The following PEPD variants were observed in gnomAD, a reference collection of about 807,000 sequenced individuals.
PEPD encodes xaa-Pro dipeptidase.
A neutral mutation model predicts 60.7 loss-of-function variants in PEPD; 53 were observed. The ratio of observed to expected loss-of-function variants is 0.87; its 90% confidence interval spans 0.70 to 1.10. The LOEUF is 1.10. Among genes scored for constraint, PEPD ranks in the 50% least tolerant of loss-of-function variants. PEPD has a pLI of 0.00. For missense variants in PEPD, 711 were observed against 711.9 expected (o/e 1.00, Z 0.01); for synonymous variants, 267 against 284.1 (o/e 0.94, Z 0.60).
At chr19:33,482,179 A>T (rs35110408) in intron 6 of PEPD, among the ~76,000 whole-genome samples, 18,980 of 152,228 alleles carry the variant, frequency 0.12, 1,613 homozygotes, top group Non-Finnish European at 0.19. Context: ...AGAGACAAAA[A>T]TTTTTCAACA....
chr19:33,490,844 G>T (rs959851270), intron 5 of PEPD, among the ~76,000 whole-genome samples: 3 of 151,884 alleles, frequency 2.0e-5, no homozygotes, highest in African/African-American at 7.3e-5. Flanking sequence ...TATATTTTTA[G>T]TAGAGACATG....
chr19:33,512,633 G>A lies in PEPD; in HGVS notation c.161C>T (p.Thr54Ile), dbSNP rs1970949161. The A allele has an allele frequency of 3.1e-6, 5 of 1,613,974 alleles. No homozygotes were observed. In the East Asian group the frequency reaches 1.1e-4, roughly 36 times the overall value. Reference sequence around the variant, plus strand: ...CCCGGTGTCGGTGCAGTAGCGCTGAGTCTCCTCCCCGCCCTGCAGGACCAC... The same window carrying A: ...CCCGGTGTCGGTGCAGTAGCGCTGAATCTCCTCCCCGCCCTGCAGGACCAC... ...SIVVLQGGEE[T>I]QRYCTDTGVL... is the part of the protein sequence containing the mutation. The change falls in exon 2 of 15, where the codon ACT (threonine) becomes ATT (isoleucine). Residue 54 changes from threonine (T) to isoleucine (I), a missense_variant. By Grantham distance (89) the Thr-to-Ile change is moderately conservative. Coordinates refer to ENST00000244137, the MANE Select transcript of PEPD (RefSeq NM_000285.4).
rs561048939 is a variant in PEPD at position 33,480,233 on chromosome 19, A to G, written c.504-2143T>C. On this transcript the variant is annotated intron_variant, in intron 6 of 14. Coordinates refer to ENST00000244137, the MANE Select transcript of PEPD (RefSeq NM_000285.4). ...GATATGCTACACAAACAGAAACGAA[A>G]GTGGAACTAGAATGGCTATACTAAC... is the stretch of plus-strand genomic sequence containing the variant. Among the ~76,000 whole-genome samples the G allele has an allele frequency of 5.9e-5, 9 of 152,340 alleles. No individual in the cohort carries two copies. In the South Asian group the frequency reaches 1.9e-3, roughly 32 times the overall value.
intron 2 of PEPD, 34 bp from the exon 3 acceptor site, chr19:33,511,189 G>A (rs554787049): frequency 2.5e-6 from 4 of 1,612,790 alleles, no homozygotes; most frequent in Non-Finnish European, 3.4e-6. Flanking sequence ...GTTAGCCAGT[G>A]GAACATGAGG....
rs1386334654 is a variant in PEPD, at chr19:33,388,115, A to G, written c.1153-34T>C. ...AACAGAGGTGAGGGGCCTGATGAGCAGCTCCAGGGCTCACCGTGGCCTCAT... is the reference window on the plus strand; with the variant it reads ...AACAGAGGTGAGGGGCCTGATGAGCGGCTCCAGGGCTCACCGTGGCCTCAT... On this transcript the variant is annotated intron_variant, in intron 13 of 14. Transcript: ENST00000244137. 6 of 1,520,822 alleles carry G rather than the reference A, an allele frequency of 3.9e-6. No individual in the cohort carries two copies. In the Admixed American group the frequency reaches 5.9e-5, roughly 15 times the overall value. 94.2% of individuals were successfully genotyped at this position (1,520,822 alleles called of 1,614,324 possible).
chr19:33,399,933 G>C (rs565722662), intron 12 of PEPD, among the ~76,000 whole-genome samples: 1 of 152,076 alleles, frequency 6.6e-6, no homozygotes, highest in Non-Finnish European at 1.5e-5. Context: ...TCTATCCTTC[G>C]CCTGTTTGGG....
At chr19:33,392,970 C>T (rs559847346) in intron 12 of PEPD, among the ~76,000 whole-genome samples, 6 of 152,140 alleles carry the variant, frequency 3.9e-5, no homozygotes, top group Admixed American at 3.3e-4. Context: ...TGGGGGTGCA[C>T]GGCTTTGGGC....
intron 12 of PEPD, among the ~76,000 whole-genome samples, chr19:33,396,642 CAG>C (rs1421273083): frequency 7.2e-6 from 1 of 139,114 alleles, no homozygotes; most frequent in South Asian, 2.3e-4. Flanking sequence ...CCCCCAGTGA[CAG>C]GGGCACAGGA....
At chr19:33,463,376 C>T (rs1262937121) in intron 8 of PEPD, among the ~76,000 whole-genome samples, 5 of 152,214 alleles carry the variant, frequency 3.3e-5, no homozygotes, top group South Asian at 2.1e-4. Context: ...AAAGCTATGA[C>T]GATCACTAAA....
intron 9 of PEPD, among the ~76,000 whole-genome samples, chr19:33,437,298 C>A (rs554974543): frequency 6.6e-6 from 1 of 152,212 alleles, no homozygotes; most frequent in African/African-American, 2.4e-5. Flanking sequence ...GGCAATTCCA[C>A]GAACAAATGG....
intron 9 of PEPD, among the ~76,000 whole-genome samples, chr19:33,431,465 C>T (rs994102879): frequency 6.6e-6 from 1 of 152,212 alleles, no homozygotes; most frequent in Non-Finnish European, 1.5e-5. Context: ...GATTTCCTCT[C>T]TTCATTCCGC....
At chr19:33,475,349 C>T (rs1428061580) in intron 7 of PEPD, among the ~76,000 whole-genome samples, 1 of 151,926 alleles carries the variant, frequency 6.6e-6, no homozygotes, top group East Asian at 1.9e-4. Context: ...AAAGGACCCG[C>T]CCGCTGCCCC....
rs565499019 is a variant in PEPD, at chr19:33,432,418, G to A, written c.672-18775C>T. 1.3e-4 allele frequency among the ~76,000 whole-genome samples: 20 copies of A among 152,306 alleles called. No homozygotes were observed. In the South Asian group the frequency reaches 1.7e-3, roughly 13 times the overall value. ...TCCCCACACGGGGCACCCCACCCTGGGGACCACCCACCCAAGCAAAAGGAG... is the reference window on the plus strand; with the variant it reads ...TCCCCACACGGGGCACCCCACCCTGAGGACCACCCACCCAAGCAAAAGGAG... On this transcript the variant is annotated intron_variant, in intron 9 of 14. Transcript: ENST00000244137.
intron 9 of PEPD, among the ~76,000 whole-genome samples, chr19:33,428,770 T>C (rs1969207681): frequency 6.6e-6 from 1 of 152,142 alleles, no homozygotes; most frequent in Non-Finnish European, 1.5e-5. Flanking sequence ...ATGTCACCCA[T>C]ACCCAAGGCT....
intron 10 of PEPD, 117 bp from the exon 11 acceptor site, chr19:33,411,866 G>C: frequency 1.4e-6 from 1 of 724,980 alleles, no homozygotes; most frequent in Non-Finnish European, 2.5e-6. Flanking sequence ...TCCAGCACAG[G>C]CCCAGGCGTG....
chr19:33,459,447 T>C (rs562400544), intron 9 of PEPD, among the ~76,000 whole-genome samples: 2 of 152,290 alleles, frequency 1.3e-5, no homozygotes, highest in South Asian at 4.1e-4. Context: ...CCACGCCAGC[T>C]GGCTACAAGC....
At chr19:33,461,254 C>T (rs934527372) in intron 9 of PEPD, among the ~76,000 whole-genome samples, 1 of 151,616 alleles carries the variant, frequency 6.6e-6, no homozygotes, top group Admixed American at 6.6e-5. Context: ...CTGGTGGGGA[C>T]TTTGGGGTTC....
At chr19:33,412,432 A>C (rs2145365731) in intron 10 of PEPD, among the ~76,000 whole-genome samples, 1 of 152,308 alleles carries the variant, frequency 6.6e-6, no homozygotes, top group South Asian at 2.1e-4. Flanking sequence ...CCTGGTGGCC[A>C]AAGGGGAGAG....
chr19:33,409,902 G>T (rs556528569), intron 11 of PEPD, among the ~76,000 whole-genome samples: 3 of 152,248 alleles, frequency 2.0e-5, no homozygotes, highest in African/African-American at 7.2e-5. Context: ...GGATCAGGGC[G>T]AGGAGTGGGT....
Sources: gnomAD v4.1 joint callset for allele counts (sites outside exome capture counted in the v4.1 genomes callset) on GRCh38, gnomAD v4.1.1 for gene constraint, MANE v1.5 for transcripts, NCBI Gene and HGNC (gene_info 2026-07-23, HGNC 2026-07-21) for gene names.